SLC43A2: variants seen among roughly 807,000 people sequenced by gnomAD.
SLC43A2 encodes the protein solute carrier family 43 member 2.
In SLC43A2, 38 loss-of-function variants were observed where a neutral mutation model predicts 63.2. The ratio of observed to expected loss-of-function variants is 0.60; its 90% CI spans 0.46 to 0.79. The LOEUF is 0.79. Among genes scored for constraint, SLC43A2 ranks in the 30% least tolerant of loss-of-function variants. The pLI, the probability that SLC43A2 is intolerant of heterozygous loss-of-function variation, is 0.00. For synonymous variants in SLC43A2, 322 were observed against 331.0 expected, an observed-to-expected ratio of 0.97 and a Z score of 0.30; for missense variants, 644 against 756.2, an observed-to-expected ratio of 0.85 and a Z score of 1.74.
chr17:1,600,757 C>T (rs1905920666), intron 5 of SLC43A2, among the ~76,000 whole-genome samples: 1 of 151,710 alleles, frequency 6.6e-6, no homozygotes, highest in African/African-American at 2.4e-5. Flanking sequence ...AGGGTTTCAC[C>T]ATGTTGGTCA....
Position 1,583,557 on chromosome 17 carries a change from G to C in SLC43A2, c.1218-221C>G, listed in dbSNP as rs7211755. 10,888 of 664,198 alleles carry C rather than the reference G, an allele frequency of 0.016. 134 individuals carry two copies. Among genetic ancestry groups the C allele is most frequent in the Non-Finnish European group, 0.023 (9,261 of 410,964 alleles). The allele number at this position is 664,198 out of a possible 1,614,324, so 41.1% of individuals were successfully genotyped here. ...GTGTGACTCTCGGAGGGGGTCTCGG[G>C]TACAAGAAGATGGCCATCCATATGC... On this transcript the variant is annotated intron_variant, in intron 10 of 13. Transcript: ENST00000301335. The surrounding 1 kb of genome is among the most constrained non-coding windows in gnomAD (Gnocchi z 5.5).
chr17:1,575,698 C>T lies in SLC43A2; in HGVS notation c.1616G>A (p.Arg539Gln), dbSNP rs756685595. ...CTGCAGCTGCCGCTCCAGCTGGCGC[C>T]GGTAGCAGATCAGGTAGAGCGGGAG... ...FCLPLYLICY[R>Q]RQLERQLQQR... The change falls in exon 14 of 14, where the codon CGG becomes CAG. Residue 539 changes from arginine to glutamine, a missense_variant. Arg to Gln is a conservative substitution (Grantham distance 43, BLOSUM62 1). Transcript: ENST00000301335. The T allele has an allele frequency of 1.7e-5, 28 of 1,614,032 alleles. No individual in the cohort carries two copies. Among genetic ancestry groups the T allele is most frequent in the East Asian group, 1.3e-4 (6 of 44,880 alleles).
At position 1,600,152 on chromosome 17, in the gene SLC43A2, A is replaced by ATATT. The variant is rs1216616243; in HGVS notation, c.502-6874_502-6873insAATA. The stretch of plus-strand genomic sequence containing the variant: ...ATTAATTGAATATATATATATATAT[A>ATATT]TTTTTTTTTTTTTTTTGAGACGGAG... On this transcript the variant is annotated intron_variant, in intron 5 of 13. Coordinates refer to ENST00000301335, the MANE Select transcript of SLC43A2 (RefSeq NM_152346.3). Among the ~76,000 whole-genome samples the ATATT allele has an allele frequency of 2.2e-3, 133 of 60,286 alleles. 8 individuals carry two copies. The highest frequency in any genetic ancestry group is 1.6e-3 in the Admixed American group (5 of 3,044). 39.5% of individuals were successfully genotyped at this position (60,286 alleles called of 152,430 possible). A position where few individuals can be genotyped will look rare whatever the true frequency, so the allele number is the denominator to read the frequency against.
rs1452886817 is a variant in SLC43A2 at position 1,583,099 on chromosome 17, C to T, written c.1350+105G>A. 4 of 1,275,594 alleles carry T rather than the reference C, an allele frequency of 3.1e-6. No individual in the cohort carries two copies. In the African/African-American group the frequency reaches 5.9e-5, roughly 19 times the overall value. 79.0% of individuals were successfully genotyped at this position (1,275,594 alleles called of 1,614,324 possible). On this transcript the variant is annotated intron_variant, in intron 11 of 13. Coordinates refer to ENST00000301335, the MANE Select transcript of SLC43A2 (RefSeq NM_152346.3). The surrounding 1 kb of genome is among the most constrained non-coding windows in gnomAD (Gnocchi z 5.5). ...GTCTCAAAAAAATAAAGAAAGTCAT[C>T]CGCTTTGTTGATGGCTTCCATGAAA...
intron 2 of SLC43A2, among the ~76,000 whole-genome samples, chr17:1,622,838 C>G (rs1349815119): frequency 6.6e-6 from 1 of 152,042 alleles, no homozygotes; most frequent in Non-Finnish European, 1.5e-5. Flanking sequence ...CACTTTAACC[C>G]GGGAGATGGA....
intron 9 of SLC43A2, among the ~76,000 whole-genome samples, chr17:1,589,385 C>T (rs4239048): frequency 0.12 from 18,928 of 151,868 alleles, 1,383 homozygotes; most frequent in East Asian, 0.31. Context: ...GGGGAGGATC[C>T]CTTGAGCCCA....
rs1055987502 is a variant in SLC43A2, at chr17:1,571,053, G to C, written c.*4551C>G. 38 of 152,104 alleles carry C rather than the reference G, an allele frequency of 2.5e-4. 1 individual carries two copies. The highest frequency in any genetic ancestry group is 3.4e-3 in the Middle Eastern group (1 of 294). The allele number at this position is 152,104 out of a possible 1,614,324, so 9.4% of individuals were successfully genotyped here. ...GGCTCAGTCTCAGAGCTGCCCGGAG[G>C]GGGTGAGGATGGCTAACTTAAGGAG... is the stretch of plus-strand genomic sequence containing the variant. On this transcript the variant is annotated 3_prime_UTR_variant, in exon 14 of 14. Coordinates refer to ENST00000301335, the MANE Select transcript of SLC43A2 (RefSeq NM_152346.3). This position sits in a 1 kb window ranked among gnomAD's most constrained non-coding sequence, Gnocchi z 5.2.
At chr17:1,576,545 T>C in intron 13 of SLC43A2, 52 bp downstream of exon 13, 1 of 1,551,712 alleles carries the variant, frequency 6.4e-7, no homozygotes, top group South Asian at 1.2e-5. Flanking sequence ...CAGCTCGCAG[T>C]TAGCAGAAGG....
Position 1,583,189 on chromosome 17 carries a change from A to C in SLC43A2, c.1350+15T>G, listed in dbSNP as rs777161053. On this transcript the variant is annotated intron_variant, in intron 11 of 13. Coordinates refer to ENST00000301335, the MANE Select transcript of SLC43A2 (RefSeq NM_152346.3). The surrounding 1 kb of genome is among the most constrained non-coding windows in gnomAD (Gnocchi z 5.5). ...GCCCCACCTCCCACCTGCCCCTCCC[A>C]CTCCCCACACCCACCTGGAGAGGCA... is the stretch of plus-strand genomic sequence containing the variant. 1.9e-6 allele frequency: 3 copies of C among 1,609,278 alleles called. No homozygotes were observed. Among genetic ancestry groups the C allele is most frequent in the Non-Finnish European group, 2.5e-6 (3 of 1,176,672 alleles).
Position 1,591,647 on chromosome 17 carries a change from C to G in SLC43A2, c.647G>C (p.Gly216Ala). Residue 216 changes from glycine to alanine, a missense_variant, in exon 7 of 14, where the codon GGC (glycine) becomes GCC (alanine). Gly to Ala is a moderately conservative substitution (Grantham distance 60). Transcript: ENST00000301335. ...GTTGAGGAAAACCAGCCCGGAGCAG[C>G]CGGCCCAGACCACGAGGACGACGAT... ...SFIVVLVVWA[G>A]CSGLVFLNCF... 2 of 1,549,120 alleles carry G rather than the reference C, an allele frequency of 1.3e-6. No individual in the cohort carries two copies. Among genetic ancestry groups the G allele is most frequent in the African/African-American group, 1.4e-5 (1 of 72,830 alleles).
intron 5 of SLC43A2, among the ~76,000 whole-genome samples, chr17:1,608,060 C>G (rs1376766014): frequency 6.6e-6 from 1 of 152,238 alleles, no homozygotes; most frequent in East Asian, 1.9e-4. Context: ...TGGCCTCTGT[C>G]ACGACTGCGT....
At chr17:1,579,321 T>C (rs181815494) in intron 11 of SLC43A2, among the ~76,000 whole-genome samples, 112 of 149,200 alleles carry the variant, frequency 7.5e-4, no homozygotes, top group African/African-American at 2.5e-3. Context: ...ATTAGCCGGG[T>C]GTGGTGGCGG....
chr17:1,581,225 C>T (rs768800362), intron 11 of SLC43A2, among the ~76,000 whole-genome samples: 16 of 152,142 alleles, frequency 1.1e-4, no homozygotes, highest in Middle Eastern at 3.4e-3. Context: ...CACACACGCA[C>T]GCTGTGCAGG....
intron 11 of SLC43A2, among the ~76,000 whole-genome samples, chr17:1,579,798 C>T (rs1373504688): frequency 1.3e-5 from 2 of 152,122 alleles, no homozygotes; most frequent in Non-Finnish European, 2.9e-5. Context: ...GATCCCACCA[C>T]TGCACTCGAG....
chr17:1,591,414 G>A lies in SLC43A2; in HGVS notation c.786C>T (p.Phe262=), dbSNP rs12936338. Residue 262 remains phenylalanine, a synonymous_variant, in exon 8 of 14, where the codon TTC becomes TTT. Coordinates refer to ENST00000301335, the MANE Select transcript of SLC43A2 (RefSeq NM_152346.3). The stretch of plus-strand genomic sequence containing the variant: ...GGCCCACCGTGGTCACCTGCTTGTA[G>A]AACTGCTTCCCTGTGATCTTGTGGT... ...GFDHKITGKQ[F]YKQVTTVGRR... is the part of the protein sequence containing the mutation. 6.2e-7 allele frequency: 1 copy of A among 1,613,094 alleles called. No individual in the cohort carries two copies. Among genetic ancestry groups the A allele is most frequent in the Non-Finnish European group, 8.5e-7 (1 of 1,179,962 alleles).
intron 5 of SLC43A2, among the ~76,000 whole-genome samples, chr17:1,608,400 G>GT (rs34454811): frequency 5.4e-4 from 79 of 146,888 alleles, no homozygotes; most frequent in South Asian, 1.1e-3. Flanking sequence ...TGTGTGTTTT[G>GT]TTTTTTTTTT....
rs191642898 is a variant in SLC43A2, at chr17:1,586,594, C to G, written c.1079-543G>C. Among the ~76,000 whole-genome samples the G allele has an allele frequency of 2.7e-3, 411 of 152,060 alleles. 2 individuals carry two copies. The highest frequency in any genetic ancestry group is 9.4e-3 in the African/African-American group (389 of 41,488). On this transcript the variant is annotated intron_variant, in intron 9 of 13. Coordinates refer to ENST00000301335, the MANE Select transcript of SLC43A2 (RefSeq NM_152346.3). ...CCTGTAACCCCAGCTACTCAGGAGG[C>G]TACAAGGAGAATCACTTGAACCCGG...
At chr17:1,622,994 T>C (rs1038570539) in intron 2 of SLC43A2, among the ~76,000 whole-genome samples, 6 of 152,140 alleles carry the variant, frequency 3.9e-5, no homozygotes, top group African/African-American at 1.2e-4. Context: ...TAATCCCAGC[T>C]ACTTGGGAGG....
chr17:1,605,333 T>A lies in SLC43A2; in HGVS notation c.501+7862A>T. On this transcript the variant is annotated intron_variant, in intron 5 of 13. Transcript: ENST00000301335. The surrounding 1 kb of genome is among the most constrained non-coding windows in gnomAD (Gnocchi z 4.9). ...CTGCAGGCGGCCCCTCCCCTGGCAT[T>A]CTGGCCATAGAGCATGACCACCGGA... 1 of 680,218 alleles carries A rather than the reference T, an allele frequency of 1.5e-6. No homozygotes were observed. The allele number at this position is 680,218 out of a possible 1,614,324, so 42.1% of individuals were successfully genotyped here. A position where few individuals can be genotyped will look rare whatever the true frequency, so the allele number is the denominator to read the frequency against.
Sources: gnomAD v4.1 joint callset for allele counts (sites outside exome capture counted in the v4.1 genomes callset) on GRCh38, gnomAD v4.1.1 for gene constraint, Gnocchi (gnomAD v3.1) non-coding constraint, MANE v1.5 for transcripts, NCBI Gene and HGNC (gene_info 2026-07-23, HGNC 2026-07-21) for gene names.